SPAG1: variants seen among roughly 807,000 people sequenced by gnomAD.
SPAG1 encodes sperm-associated antigen 1.
Under a neutral mutation model 100.5 loss-of-function variants are expected in SPAG1, and 69 were observed. The ratio of observed to expected loss-of-function variants is 0.69; its 90% CI spans 0.57 to 0.84. The LOEUF is 0.84. SPAG1 is among the 40% of genes least tolerant of loss of function. The probability of loss-of-function intolerance (pLI) is 0.00; values close to 1 mark genes in which losing one functional copy is unlikely to be tolerated. For synonymous variants in SPAG1, 336 were observed against 411.6 expected (o/e 0.82, Z 2.22); for missense variants, 955 against 1,133.1 (o/e 0.84, Z 2.26).
chr8:100,165,435 C>T lies in SPAG1; in HGVS notation c.141-379C>T, dbSNP rs557960837. Reference sequence around the variant, plus strand: ...AACAGAGTACTTTGTACGCCAGCCGCGGGTCAGACCTCAGAGTGATCTTAA... The same window carrying T: ...AACAGAGTACTTTGTACGCCAGCCGTGGGTCAGACCTCAGAGTGATCTTAA... On this transcript the variant is annotated intron_variant, in intron 2 of 18. Coordinates refer to ENST00000388798, the MANE Select transcript of SPAG1 (RefSeq NM_003114.5). 417 of 409,674 alleles carry T rather than the reference C, an allele frequency of 1.0e-3. 2 individuals are homozygous for T. The highest frequency in any genetic ancestry group is 7.8e-3 in the African/African-American group (379 of 48,314). The allele number at this position is 409,674 out of a possible 1,614,324, so 25.4% of individuals were successfully genotyped here. A position where few individuals can be genotyped will look rare whatever the true frequency, so the allele number is the denominator to read the frequency against.
intron 10 of SPAG1, among the ~76,000 whole-genome samples, chr8:100,206,545 A>G (rs1817525395): frequency 6.6e-6 from 1 of 152,212 alleles, no homozygotes; most frequent in South Asian, 2.1e-4. Context: ...ATGCAAGAGG[A>G]TGGGAAATAA....
At chr8:100,204,179 GC>G (rs1817406374) in intron 10 of SPAG1, among the ~76,000 whole-genome samples, 1 of 152,142 alleles carries the variant, frequency 6.6e-6, no homozygotes, top group African/African-American at 2.4e-5. Context: ...CGAGACAGTT[GC>G]CAGGCAAGAT....
At chr8:100,232,157 A>G (rs1818801970) in intron 15 of SPAG1, among the ~76,000 whole-genome samples, 1 of 152,104 alleles carries the variant, frequency 6.6e-6, no homozygotes, top group Admixed American at 6.5e-5. Flanking sequence ...ACTAAATCCA[A>G]CAGATGTTTT....
chr8:100,189,177 A>T (rs928854610), intron 8 of SPAG1, among the ~76,000 whole-genome samples: 13 of 81,320 alleles, frequency 1.6e-4, no homozygotes, highest in African/African-American at 4.1e-4. Context: ...ACTAAAAATT[A>T]AAAAAAAAAA....
At chr8:100,197,246 A>T (rs924270838) in intron 10 of SPAG1, among the ~76,000 whole-genome samples, 1 of 152,154 alleles carries the variant, frequency 6.6e-6, no homozygotes, top group African/African-American at 2.4e-5. Context: ...TAAGGCCAGA[A>T]GTTCAATCCC....
At chr8:100,168,620 G>C (rs908006604) in intron 3 of SPAG1, among the ~76,000 whole-genome samples, 1 of 145,654 alleles carries the variant, frequency 6.9e-6, no homozygotes, top group Non-Finnish European at 1.5e-5. Flanking sequence ...GGCTAGTCTT[G>C]AACTCCTGGG....
At chr8:100,209,614 C>T (rs1586486768) in intron 10 of SPAG1, among the ~76,000 whole-genome samples, 4 of 119,048 alleles carry the variant, frequency 3.4e-5, no homozygotes, top group Non-Finnish European at 5.0e-5. Flanking sequence ...AACATTTTAA[C>T]CTTAATAACA....
chr8:100,225,831 TTTTTG>T (rs981080097), intron 14 of SPAG1, among the ~76,000 whole-genome samples: 9 of 151,462 alleles, frequency 5.9e-5, no homozygotes, highest in Non-Finnish European at 1.3e-4. Flanking sequence ...GTAAAAGCGT[TTTTTG>T]TTTTGTTTTG....
In SPAG1 at chr8:100,183,510, TTAAA is replaced by T. The variant is rs1379464085; in HGVS notation, c.488+78_488+81del. On this transcript the variant is annotated intron_variant, in intron 5 of 18. Transcript: ENST00000388798. ...TACCACAAAATACTGCAATAATTTC[TTAAA>T]TAATTATTATAAACCTTAACATGTC... The T allele has an allele frequency of 1.0e-4, 69 of 691,988 alleles. No individual in the cohort carries two copies. In the South Asian group the frequency reaches 1.0e-3, roughly 10 times the overall value. The allele number at this position is 691,988 out of a possible 1,614,324, so 42.9% of individuals were successfully genotyped here.
At chr8:100,206,718 C>T (rs1817532387) in intron 10 of SPAG1, among the ~76,000 whole-genome samples, 1 of 152,020 alleles carries the variant, frequency 6.6e-6, no homozygotes, top group Non-Finnish European at 1.5e-5. Flanking sequence ...CCTCCTACAA[C>T]CAAGAAAGAG....
Position 100,214,034 on chromosome 8 carries a change from G to A in SPAG1, c.1535+116G>A, listed in dbSNP as rs555234372. 1.0e-3 allele frequency: 597 copies of A among 575,900 alleles called. 1 individual carries two copies. The highest frequency in any genetic ancestry group is 1.4e-3 in the Non-Finnish European group (445 of 317,256). The allele number at this position is 575,900 out of a possible 1,614,324, so 35.7% of individuals were successfully genotyped here. ...GATCTAATTTCTTAAGAGCTTTATGGTATGTTAATTGATTGATGCATAAAA... is the reference window on the plus strand; with the variant it reads ...GATCTAATTTCTTAAGAGCTTTATGATATGTTAATTGATTGATGCATAAAA... On this transcript the variant is annotated intron_variant, in intron 12 of 18. Coordinates refer to ENST00000388798, the MANE Select transcript of SPAG1 (RefSeq NM_003114.5).
At position 100,241,389 on chromosome 8, in the gene SPAG1, T is replaced by C. The variant is rs1819266063; in HGVS notation, c.*367T>C. 6.4e-6 allele frequency: 1 copy of C among 157,066 alleles called. No individual in the cohort carries two copies. The highest frequency in any genetic ancestry group is 6.4e-5 in the Admixed American group (1 of 15,596). The allele number at this position is 157,066 out of a possible 1,614,324, so 9.7% of individuals were successfully genotyped here. On this transcript the variant is annotated 3_prime_UTR_variant, in exon 19 of 19. Coordinates refer to ENST00000388798, the MANE Select transcript of SPAG1 (RefSeq NM_003114.5). The surrounding 1 kb of genome is among the most constrained non-coding windows in gnomAD (Gnocchi z 5.1). ...AAATGAATTTCTTGTAACATTCTTT[T>C]TTAAAAGTGGAAGTCATTAACAGTG...
rs1183762592 is a variant in SPAG1 at position 100,213,409 on chromosome 8, C to T, written c.1416C>T (p.Ile472=). 4 of 1,435,672 alleles carry T rather than the reference C, an allele frequency of 2.8e-6. No individual in the cohort carries two copies. The highest frequency in any genetic ancestry group is 3.7e-6 in the Non-Finnish European group (4 of 1,093,942). 88.9% of individuals were successfully genotyped at this position (1,435,672 alleles called of 1,614,324 possible). ...AEAAGKYSAA[I]ALLEPAGSEI... ...CGGCCGGCAAGTACTCGGCGGCAATCGCGCTCCTGGAGCCAGCAGGTAGGT... is the reference window on the plus strand; with the variant it reads ...CGGCCGGCAAGTACTCGGCGGCAATTGCGCTCCTGGAGCCAGCAGGTAGGT... The change falls in exon 11 of 19, where the codon ATC becomes ATT. Residue 472 remains isoleucine, a synonymous_variant. Transcript: ENST00000388798.
intron 10 of SPAG1, among the ~76,000 whole-genome samples, chr8:100,210,507 C>T (rs1817676125): frequency 6.6e-6 from 1 of 152,106 alleles, no homozygotes; most frequent in African/African-American, 2.4e-5. Context: ...TTATTGTTGA[C>T]TCCTTTCTTC....
chr8:100,166,450 G>A (rs1815561463), intron 3 of SPAG1, among the ~76,000 whole-genome samples: 1 of 151,892 alleles, frequency 6.6e-6, no homozygotes, highest in Non-Finnish European at 1.5e-5. Flanking sequence ...GTAGAGATGG[G>A]GTTTCACCAT....
chr8:100,188,135 G>A (rs867399088), intron 8 of SPAG1, among the ~76,000 whole-genome samples: 36 of 150,628 alleles, frequency 2.4e-4, no homozygotes, highest in Non-Finnish European at 3.4e-4. Context: ...GATTACAGGC[G>A]TGAGCTACTG....
chr8:100,173,989 G>T (rs1415303650), intron 3 of SPAG1, among the ~76,000 whole-genome samples: 1 of 152,144 alleles, frequency 6.6e-6, no homozygotes. Flanking sequence ...TAAAAGGTAG[G>T]AAGTATGTTC....
At chr8:100,159,055 ATCATT>A (rs1206115152) in intron 1 of SPAG1, 3 of 152,244 alleles carry the variant, frequency 2.0e-5, no homozygotes, top group Middle Eastern at 3.4e-3. Flanking sequence ...AGATGGCTCT[ATCATT>A]TCATGTGTTT....
Position 100,241,170 on chromosome 8 carries a change from A to T in SPAG1, c.*148A>T. On this transcript the variant is annotated 3_prime_UTR_variant, in exon 19 of 19. Transcript: ENST00000388798. The surrounding 1 kb of genome is among the most constrained non-coding windows in gnomAD (Gnocchi z 5.1). The stretch of plus-strand genomic sequence containing the variant: ...ACATTTTACTTATTTTCCTACATAG[A>T]ACATGTATATTCTACAATCTGCTTT... 1 of 593,610 alleles carries T rather than the reference A, an allele frequency of 1.7e-6. No homozygotes were observed. The highest frequency in any genetic ancestry group is 2.8e-6 in the Non-Finnish European group (1 of 362,872). The allele number at this position is 593,610 out of a possible 1,614,324, so 36.8% of individuals were successfully genotyped here.
Sources: allele counts gnomAD v4.1 joint callset (sites outside exome capture counted in the v4.1 genomes callset), GRCh38; gene constraint gnomAD v4.1.1; non-coding constraint Gnocchi (gnomAD v3.1); transcripts MANE v1.5; gene names NCBI Gene and HGNC (gene_info 2026-07-23, HGNC 2026-07-21).